Variants in ANO8 observed in about 807,000 individuals in gnomAD.
ANO8 encodes anoctamin-8.
In ANO8, 67 loss-of-function variants were observed where a neutral mutation model predicts 120.4. The observed-to-expected ratio is 0.56, with a 90% CI of 0.46 to 0.68. ANO8 has a LOEUF of 0.68. Ranked by LOEUF, ANO8 falls within the 30% of genes least tolerant of loss-of-function variation. ANO8 has a pLI of 0.00. For synonymous variants in ANO8, 727 were observed against 759.2 expected (o/e 0.96, Z 0.70); for missense variants, 1,526 against 1,737.6 (o/e 0.88, Z 2.16).
intron 13 of ANO8, 136 bp downstream of exon 13, chr19:17,328,026 G>T: frequency 7.3e-7 from 1 of 1,363,596 alleles, no homozygotes; most frequent in Non-Finnish European, 9.8e-7. Context: ...TATCTGGCTA[G>T]GCCTTCCTCT....
rs766563339 is a variant in ANO8 at position 17,328,684 on chromosome 19, C to G, written c.1704G>C (p.Gly568=). ...GCCCGTCCCCCTCCTCCCCGCCTTCCCCCGCCCGCCGCCGCTCCACCAGCG... is the reference window on the plus strand; with the variant it reads ...GCCCGTCCCCCTCCTCCCCGCCTTCGCCCGCCCGCCGCCGCTCCACCAGCG... The part of the protein sequence containing the change: ...EAALVERRRA[G]EGGEEGDGPP... Residue 568 remains glycine, a synonymous_variant, in exon 13 of 18, where the codon GGG becomes GGC. Transcript: ENST00000159087. 11 of 1,393,692 alleles carry G rather than the reference C, an allele frequency of 7.9e-6. No individual in the cohort carries two copies. Among genetic ancestry groups the G allele is most frequent in the Non-Finnish European group, 1.0e-5 (11 of 1,062,538 alleles). The allele number at this position is 1,393,692 out of a possible 1,614,324, so 86.3% of individuals were successfully genotyped here.
At chr19:17,324,682 C>T (rs1211947142) in intron 17 of ANO8, 35 bp downstream of exon 17, 1 of 1,514,158 alleles carries the variant, frequency 6.6e-7, no homozygotes. Context: ...CCAAAGCCGG[C>T]CCGGCGTCCC....
At position 17,333,408 on chromosome 19, in the gene ANO8, G is replaced by A. The variant is rs767618506; in HGVS notation, c.350+14C>T. On this transcript the variant is annotated intron_variant, in intron 3 of 17. Transcript: ENST00000159087. The surrounding 1 kb of genome is among the most constrained non-coding windows in gnomAD (Gnocchi z 7.2). Reference sequence around the variant, plus strand: ...GTGGCAGGCTCAGCGAGAGGCCAGGGACAGGGGACTCGCCTCTCATACGTG... The same window carrying A: ...GTGGCAGGCTCAGCGAGAGGCCAGGAACAGGGGACTCGCCTCTCATACGTG... The A allele has an allele frequency of 6.2e-7, 1 of 1,613,754 alleles. No individual in the cohort carries two copies. Among genetic ancestry groups the A allele is most frequent in the East Asian group, 2.2e-5 (1 of 44,878 alleles).
At position 17,323,628 on chromosome 19, in the gene ANO8, G is replaced by A; in HGVS notation, c.3588C>T (p.Ser1196=). ...TGGGCGGTAGCGGTGGGGGCGGGAG[G>A]CTGTAAAAGCTGGCGTCTCCCGGCA... The part of the protein sequence containing the change: ...QPLPGDASFY[S]LPPPPLPPTS... The change falls in exon 18 of 18, where the codon AGC becomes AGT. Residue 1196 remains serine (S), a synonymous_variant. Transcript: ENST00000159087. 1 of 1,127,558 alleles carries A rather than the reference G, an allele frequency of 8.9e-7. No individual in the cohort carries two copies. 69.8% of individuals were successfully genotyped at this position (1,127,558 alleles called of 1,614,324 possible).
rs199668891 is a variant in ANO8, at chr19:17,327,477, C to T, written c.2511G>A (p.Leu837=). The change falls in exon 15 of 18, where the codon CTG becomes CTA. Residue 837 remains leucine, a synonymous_variant. Transcript: ENST00000159087. ...CGQLQRLFPW[L]SPEAAIVSVV... ...CCGACACGATGGCTGCCTCCGGGCT[C>T]AGCCAGGGGAAGAGGCGCTGCAGCT... 2.5e-6 allele frequency: 4 copies of T among 1,613,136 alleles called. No homozygotes were observed. In the East Asian group the frequency reaches 6.7e-5, roughly 27 times the overall value.
In ANO8 at chr19:17,331,275, C is replaced by A. The variant is rs2074316278; in HGVS notation, c.703+20G>T. The A allele has an allele frequency of 1.2e-6, 2 of 1,613,962 alleles. No individual in the cohort carries two copies. The highest frequency in any genetic ancestry group is 8.5e-7 in the Non-Finnish European group (1 of 1,179,970). On this transcript the variant is annotated intron_variant, in intron 6 of 17. Coordinates refer to ENST00000159087, the MANE Select transcript of ANO8 (RefSeq NM_020959.3). ...GCCTGTCTGCTGGGACTCCCTCCCA[C>A]CCCCCAGCCCAGGCAGCACCTAGAG...
chr19:17,331,728 C>T (rs1354409799), intron 5 of ANO8, among the ~76,000 whole-genome samples: 4 of 151,182 alleles, frequency 2.6e-5, no homozygotes, highest in Non-Finnish European at 2.9e-5. Context: ...CTCACCGCAA[C>T]CTTCAAGCGA....
intron 16 of ANO8, 109 bp from the exon 17 acceptor site, chr19:17,325,495 T>TAA: frequency 7.1e-7 from 1 of 1,413,250 alleles, no homozygotes; most frequent in Non-Finnish European, 9.3e-7. Flanking sequence ...GAGACTTAAA[T>TAA]GCTTATTAGG....
In ANO8 at chr19:17,328,797, C is replaced by T; in HGVS notation, c.1591G>A (p.Asp531Asn). 7.3e-7 allele frequency: 1 copy of T among 1,370,260 alleles called. No homozygotes were observed. The highest frequency in any genetic ancestry group is 9.4e-7 in the Non-Finnish European group (1 of 1,068,328). The allele number at this position is 1,370,260 out of a possible 1,614,324, so 84.9% of individuals were successfully genotyped here. ...PAPRRLEPQA[D>N]EGGGGGSGGG... ...CCGCTGCCGCCGCCCCCGCCCTCAT[C>T]CGCCTGGGGTTCGAGGCGGCGGGGC... Residue 531 changes from aspartate to asparagine, a missense_variant, in exon 13 of 18, where the codon GAT becomes AAT. Physicochemically the swap from Asp to Asn is conservative, Grantham distance 23 (BLOSUM62 1). This residue lies in a region of ANO8 where 467 missense variants were observed against 425.8 expected (regional missense o/e 1.10). Transcript: ENST00000159087.
At chr19:17,327,401 G>A (rs372002710) in intron 15 of ANO8, 37 bp downstream of exon 15, 23 of 1,566,730 alleles carry the variant, frequency 1.5e-5, no homozygotes, top group East Asian at 2.4e-5. Flanking sequence ...CCGCCCTCTC[G>A]CCTCCCAGCT....
intron 9 of ANO8, 44 bp downstream of exon 9, chr19:17,330,308 A>G: frequency 1.2e-6 from 2 of 1,612,738 alleles, no homozygotes; most frequent in Non-Finnish European, 1.7e-6. Context: ...CCCAAGGTGG[A>G]GCTAGGTACC....
chr19:17,328,290 C>T lies in ANO8; in HGVS notation c.2098G>A (p.Gly700Ser), dbSNP rs1423636657. 5 of 1,605,626 alleles carry T rather than the reference C, an allele frequency of 3.1e-6. No homozygotes were observed. In the African/African-American group the frequency reaches 4.0e-5, roughly 13 times the overall value. Residue 700 changes from glycine (G) to serine (S), a missense_variant, in exon 13 of 18, where the codon GGC (glycine) becomes AGC (serine). This residue lies in a region of ANO8 where 467 missense variants were observed against 425.8 expected (regional missense o/e 1.10). Transcript: ENST00000159087. ...GPDGGPDPEP[G>S]SNSDSTRRQR... is the part of the protein sequence containing the mutation. ...CTACGGGTCGAATCGCTGTTGGAGC[C>T]GGGTTCCGGGTCCGGGCCCCCGTCG...
rs1245288420 is a variant in ANO8, at chr19:17,328,788, C to T, written c.1600G>A (p.Gly534Arg). The T allele has an allele frequency of 1.5e-6, 2 of 1,361,170 alleles. No homozygotes were observed. The highest frequency in any genetic ancestry group is 1.8e-5 in the South Asian group (1 of 56,528). The allele number at this position is 1,361,170 out of a possible 1,614,324, so 84.3% of individuals were successfully genotyped here. A position where few individuals can be genotyped will look rare whatever the true frequency, so the allele number is the denominator to read the frequency against. The change falls in exon 13 of 18, where the codon GGG (glycine) becomes AGG (arginine). Residue 534 changes from glycine to arginine, a missense_variant. This residue lies in a region of ANO8 where 467 missense variants were observed against 425.8 expected (regional missense o/e 1.10). Coordinates refer to ENST00000159087, the MANE Select transcript of ANO8 (RefSeq NM_020959.3). The stretch of plus-strand genomic sequence containing the variant: ...CCCCCGCCCCCGCTGCCGCCGCCCC[C>T]GCCCTCATCCGCCTGGGGTTCGAGG... ...RRLEPQADEGGGGGSGGGGRR... is the reference protein window; with the variant it reads ...RRLEPQADEGRGGGSGGGGRR...
At chr19:17,328,140 C>CGAGGCCCCGCCCCCTGT in intron 13 of ANO8, 22 bp downstream of exon 13, 2 of 1,518,658 alleles carry the variant, frequency 1.3e-6, no homozygotes, top group Non-Finnish European at 8.8e-7. Context: ...CCGCCCCCTG[C>CGAGGCCCCGCCCCCTGT]GAGGCCCCGC....
At position 17,330,509 on chromosome 19, in the gene ANO8, T is replaced by A. The variant is rs757475975; in HGVS notation, c.994-5A>T. 4 of 1,508,000 alleles carry A rather than the reference T, an allele frequency of 2.7e-6. No individual in the cohort carries two copies. In the Admixed American group the frequency reaches 8.6e-5, roughly 33 times the overall value. The allele number at this position is 1,508,000 out of a possible 1,614,324, so 93.4% of individuals were successfully genotyped here. ...GGGGCTGATACGTCGCACGCCCTGA[T>A]GGTGGGCAAAGACCGGGCCCAGCAT... On this transcript the variant is annotated splice_polypyrimidine_tract_variant and splice_region_variant and intron_variant, in intron 8 of 17. Coordinates refer to ENST00000159087, the MANE Select transcript of ANO8 (RefSeq NM_020959.3).
At chr19:17,327,622 C>G in intron 14 of ANO8, 53 bp from the exon 15 acceptor site, 1 of 1,608,920 alleles carries the variant, frequency 6.2e-7, no homozygotes, top group South Asian at 1.1e-5. Flanking sequence ...CCCCAGACCC[C>G]AGGCTCCTCC....
rs2074262361 is a variant in ANO8, at chr19:17,324,815, G to T, written c.3233C>A (p.Thr1078Asn). 2 of 1,605,052 alleles carry T rather than the reference G, an allele frequency of 1.2e-6. No homozygotes were observed. The highest frequency in any genetic ancestry group is 1.1e-5 in the South Asian group (1 of 90,496). ...AACCCGGCTGCTGCCACTGCTGGGG[G>T]TCCCATCTGGCCGGGCCTGCCCGCC... The part of the protein sequence containing the change: ...GAGGQARPDG[T>N]PSSGSSRVQR... Residue 1078 changes from threonine to asparagine, a missense_variant, in exon 17 of 18, where the codon ACC (threonine) becomes AAC (asparagine). Around this residue, in one of 8 missense-constraint regions of ANO8, gnomAD observed 489 missense variants for 548.6 expected, o/e 0.89. Coordinates refer to ENST00000159087, the MANE Select transcript of ANO8 (RefSeq NM_020959.3).
In ANO8 at chr19:17,330,025, AG is replaced by A; in HGVS notation, c.1274-12del. 6.2e-7 allele frequency: 1 copy of A among 1,613,460 alleles called. No homozygotes were observed. Among genetic ancestry groups the A allele is most frequent in the Non-Finnish European group, 8.5e-7 (1 of 1,179,730 alleles). On this transcript the variant is annotated splice_polypyrimidine_tract_variant and intron_variant, in intron 10 of 17. Transcript: ENST00000159087. ...CCAGCCGGTAATTTTCTAGGGGCCA[AG>A]GGGGGGAGTGAGGGGGCAGCCGCGG...
chr19:17,328,854 G>A lies in ANO8; in HGVS notation c.1534C>T (p.Leu512=). 6.7e-7 allele frequency: 1 copy of A among 1,487,862 alleles called. No individual in the cohort carries two copies. Among genetic ancestry groups the A allele is most frequent in the Non-Finnish European group, 8.9e-7 (1 of 1,124,492 alleles). The allele number at this position is 1,487,862 out of a possible 1,614,324, so 92.2% of individuals were successfully genotyped here. ...LRAVWELARA[L]LGLLSLRRPA... ...CGCCGGAGGCTCAGGAGGCCAAGCAGGGCTCGGGCCAGCTCCCAGACGGCC... is the reference window on the plus strand; with the variant it reads ...CGCCGGAGGCTCAGGAGGCCAAGCAAGGCTCGGGCCAGCTCCCAGACGGCC... The change falls in exon 13 of 18, where the codon CTG becomes TTG. Residue 512 remains leucine, a synonymous_variant. Transcript: ENST00000159087.
Sources: allele counts gnomAD v4.1 joint callset (sites outside exome capture counted in the v4.1 genomes callset), GRCh38; gene constraint gnomAD v4.1.1; regional missense constraint gnomAD v4.1.1; non-coding constraint Gnocchi (gnomAD v3.1); transcripts MANE v1.5; gene names NCBI Gene and HGNC (gene_info 2026-07-23, HGNC 2026-07-21).